CLIC4: variants seen among roughly 807,000 people sequenced by gnomAD.
The protein encoded by CLIC4 is CLIC family member 4.
Under a neutral mutation model 24.6 loss-of-function variants are expected in CLIC4, and 13 were observed. The observed-to-expected ratio is 0.53, with a 90% CI of 0.34 to 0.84. The LOEUF (loss-of-function observed/expected upper bound fraction) is 0.84, where lower values mean the gene tolerates loss of function less well. CLIC4 is among the 40% of genes least tolerant of loss of function. CLIC4 has a pLI of 0.01. For missense variants in CLIC4, 227 were observed against 301.7 expected (o/e 0.75, Z 1.83); for synonymous variants, 104 against 111.3 (o/e 0.93, Z 0.41).
At chr1:24,797,150 C>T (rs572979131) in intron 1 of CLIC4, among the ~76,000 whole-genome samples, 25 of 151,294 alleles carry the variant, frequency 1.7e-4, no homozygotes, top group African/African-American at 6.0e-4. Context: ...GATGGGGTTT[C>T]ACCATATTGG....
chr1:24,822,609 T>A (rs1639746694), intron 3 of CLIC4, among the ~76,000 whole-genome samples: 1 of 152,130 alleles, frequency 6.6e-6, no homozygotes, highest in Admixed American at 6.5e-5. Flanking sequence ...AGTGCTGGGA[T>A]TACAGGTGTG....
chr1:24,818,385 C>G (rs1313889787), intron 3 of CLIC4, among the ~76,000 whole-genome samples: 1 of 152,052 alleles, frequency 6.6e-6, no homozygotes, highest in East Asian at 1.9e-4. Context: ...CTCCTGGGTT[C>G]AAGTGATTCT....
intron 1 of CLIC4, among the ~76,000 whole-genome samples, chr1:24,766,482 T>G (rs1343507663): frequency 1.1e-4 from 1 of 9,376 alleles, no homozygotes; most frequent in African/African-American, 3.9e-4. Flanking sequence ...GGTTTTTTTT[T>G]TTTTTTTTTT....
intron 3 of CLIC4, among the ~76,000 whole-genome samples, chr1:24,817,773 T>C (rs1207554661): frequency 6.6e-6 from 1 of 152,236 alleles, no homozygotes; most frequent in Non-Finnish European, 1.5e-5. Context: ...TTCTAGCTTT[T>C]GATTTAAAGT....
At chr1:24,767,366 T>C (rs1639014727) in intron 1 of CLIC4, among the ~76,000 whole-genome samples, 1 of 152,214 alleles carries the variant, frequency 6.6e-6, no homozygotes, top group Non-Finnish European at 1.5e-5. Context: ...ATTTTGCCTT[T>C]AGGAATGCAG....
chr1:24,838,958 A>G (rs552291068), intron 4 of CLIC4, among the ~76,000 whole-genome samples: 2 of 152,316 alleles, frequency 1.3e-5, no homozygotes, highest in East Asian at 3.9e-4. Flanking sequence ...ATTTGGTTAA[A>G]GAGGCTCCCA....
intron 1 of CLIC4, among the ~76,000 whole-genome samples, chr1:24,747,788 AT>A: frequency 6.6e-6 from 1 of 152,190 alleles, no homozygotes; most frequent in East Asian, 1.9e-4. Context: ...CACCTGTAGC[AT>A]TTTGGGATGC....
intron 4 of CLIC4, among the ~76,000 whole-genome samples, chr1:24,839,354 C>T (rs372404354): frequency 1.3e-5 from 2 of 152,186 alleles, no homozygotes; most frequent in African/African-American, 2.4e-5. Context: ...GGCTGGAGTG[C>T]AGTGGTGCTA....
chr1:24,766,473 GTTTTTTTTTTTTTTTTTTT>G (rs71032855), intron 1 of CLIC4, among the ~76,000 whole-genome samples: 30 of 62,076 alleles, frequency 4.8e-4, no homozygotes, highest in African/African-American at 1.8e-3. Context: ...TGCCCAGACG[GTTTTTTTTTTTTTTTTTTT>G]TTTTTTTTTT....
intron 3 of CLIC4, among the ~76,000 whole-genome samples, chr1:24,815,119 T>C (rs1217790405): frequency 2.0e-5 from 3 of 152,258 alleles, no homozygotes; most frequent in Non-Finnish European, 4.4e-5. Context: ...GTAAAAGTTA[T>C]ATTTACAGTA....
chr1:24,788,941 T>C (rs964468859), intron 1 of CLIC4, among the ~76,000 whole-genome samples: 1 of 152,218 alleles, frequency 6.6e-6, no homozygotes, highest in African/African-American at 2.4e-5. Flanking sequence ...CAGAAAAAGC[T>C]GTGGCTCCAT....
intron 1 of CLIC4, among the ~76,000 whole-genome samples, chr1:24,793,674 G>A (rs1639365379): frequency 6.6e-6 from 1 of 151,428 alleles, no homozygotes; most frequent in African/African-American, 2.4e-5. Context: ...CTCAAATTCT[G>A]TGTATATTTT....
chr1:24,753,468 G>A (rs1638804807), intron 1 of CLIC4, among the ~76,000 whole-genome samples: 1 of 152,178 alleles, frequency 6.6e-6, no homozygotes, highest in Non-Finnish European at 1.5e-5. Context: ...GGGGAAAGAT[G>A]GAAGGAGGCT....
At chr1:24,786,199 T>C (rs1365183671) in intron 1 of CLIC4, among the ~76,000 whole-genome samples, 2 of 152,238 alleles carry the variant, frequency 1.3e-5, no homozygotes, top group Non-Finnish European at 2.9e-5. Flanking sequence ...CTCAGTTCCA[T>C]AAACATAAAT....
At chr1:24,808,701 G>A (rs1639581960) in intron 2 of CLIC4, among the ~76,000 whole-genome samples, 1 of 147,856 alleles carries the variant, frequency 6.8e-6, no homozygotes, top group African/African-American at 2.5e-5. Context: ...TTTTGAGATG[G>A]AGTCTCACTC....
chr1:24,804,137 A>G (rs2124140810), intron 2 of CLIC4, among the ~76,000 whole-genome samples: 1 of 152,234 alleles, frequency 6.6e-6, no homozygotes, highest in East Asian at 1.9e-4. Flanking sequence ...TAGCAGCAGC[A>G]TGAATGACAC....
chr1:24,840,402 C>T (rs1639931020), intron 5 of CLIC4, among the ~76,000 whole-genome samples: 2 of 152,202 alleles, frequency 1.3e-5, no homozygotes, highest in Non-Finnish European at 2.9e-5. Context: ...ATATGAGACA[C>T]TGGGCTGGGC....
chr1:24,773,013 G>A (rs777744506), intron 1 of CLIC4, among the ~76,000 whole-genome samples: 1 of 152,006 alleles, frequency 6.6e-6, no homozygotes, highest in Non-Finnish European at 1.5e-5. Flanking sequence ...AAGCAATATT[G>A]TGATATATAT....
chr1:24,798,096 G>A (rs1355179517), intron 2 of CLIC4: 1 of 349,926 alleles, frequency 2.9e-6, no homozygotes, highest in East Asian at 6.5e-5. Flanking sequence ...GTAGCACTAG[G>A]AGCTAAGTGT....
Sources: gnomAD v4.1 joint callset for allele counts (sites outside exome capture counted in the v4.1 genomes callset) on GRCh38, gnomAD v4.1.1 for gene constraint, MANE v1.5 for transcripts, NCBI Gene and HGNC (gene_info 2026-07-23, HGNC 2026-07-21) for gene names.